Variants in CACNA1D observed in about 807,000 individuals in gnomAD.
CACNA1D encodes calcium voltage-gated channel subunit alpha1 D, also known as voltage-dependent L-type calcium channel subunit alpha-1D.
A neutral mutation model predicts 257.1 loss-of-function variants in CACNA1D; 55 were observed. That is an observed-to-expected ratio of 0.21 (90% confidence interval 0.17 to 0.27). CACNA1D has a LOEUF of 0.27. Ranked by LOEUF, CACNA1D falls within the 10% of genes least tolerant of loss-of-function variation. The pLI is 1.00. For synonymous variants in CACNA1D, 980 were observed against 1,014.9 expected (o/e 0.97, Z 0.65); for missense variants, 1,876 against 2,784.0 (o/e 0.67, Z 7.34).
At chr3:53,729,760 A>G (rs2094971132) in intron 15 of CACNA1D, among the ~76,000 whole-genome samples, 1 of 152,188 alleles carries the variant, frequency 6.6e-6, no homozygotes. Flanking sequence ...TGGGCTGGAG[A>G]GGGCAAAAAT....
chr3:53,807,748 G>C (rs920725749), intron 45 of CACNA1D: 1 of 152,318 alleles, frequency 6.6e-6, no homozygotes, highest in Non-Finnish European at 1.5e-5. Flanking sequence ...GCTGTGGATT[G>C]TCTTGTTAAC....
chr3:53,530,656 T>A (rs138788862), intron 3 of CACNA1D, among the ~76,000 whole-genome samples: 1 of 152,254 alleles, frequency 6.6e-6, no homozygotes, highest in Non-Finnish European at 1.5e-5. Flanking sequence ...TGGTGGGTGG[T>A]GTTGCACGGT....
At chr3:53,638,001 T>C (rs1263251608) in intron 3 of CACNA1D, among the ~76,000 whole-genome samples, 2 of 152,256 alleles carry the variant, frequency 1.3e-5, no homozygotes, top group East Asian at 1.9e-4. Context: ...TTCATATATT[T>C]ACTTAGAAAG....
At chr3:53,744,603 G>C in intron 22 of CACNA1D, 137 bp from the exon 23 acceptor site, 1 of 739,796 alleles carries the variant, frequency 1.4e-6, no homozygotes, top group Non-Finnish European at 2.5e-6. Context: ...CGTGAAGAGA[G>C]ATCAGCTCAG....
At chr3:53,564,956 G>A (rs1364270453) in intron 3 of CACNA1D, among the ~76,000 whole-genome samples, 9 of 152,058 alleles carry the variant, frequency 5.9e-5, no homozygotes, top group Non-Finnish European at 1.3e-4. Context: ...TTTGCCTTTA[G>A]CATGTAGGTC....
intron 9 of CACNA1D, among the ~76,000 whole-genome samples, chr3:53,709,991 C>T (rs2094733049): frequency 1.3e-5 from 2 of 152,144 alleles, no homozygotes; most frequent in African/African-American, 2.4e-5. Context: ...AGTCCAGAGC[C>T]CACCTTTTGA....
chr3:53,699,555 A>G (rs1323341623), intron 8 of CACNA1D, among the ~76,000 whole-genome samples: 1 of 152,226 alleles, frequency 6.6e-6, no homozygotes, highest in Non-Finnish European at 1.5e-5. Context: ...AAGAGCCCAG[A>G]GTGGTGTAGG....
At chr3:53,589,472 G>C (rs2093271086) in intron 3 of CACNA1D, among the ~76,000 whole-genome samples, 1 of 152,142 alleles carries the variant, frequency 6.6e-6, no homozygotes, top group African/African-American at 2.4e-5. Flanking sequence ...CTGAGTGTAT[G>C]AATCAAGGTC....
chr3:53,649,404 T>C (rs1257427858), intron 3 of CACNA1D, among the ~76,000 whole-genome samples: 1 of 152,196 alleles, frequency 6.6e-6, no homozygotes, highest in Non-Finnish European at 1.5e-5. Context: ...CTGGAATCCG[T>C]TGTGAAAAGG....
intron 7 of CACNA1D, among the ~76,000 whole-genome samples, chr3:53,670,521 T>G (rs2094312487): frequency 6.6e-6 from 1 of 152,056 alleles, no homozygotes; most frequent in African/African-American, 2.4e-5. Context: ...ATTTTTGTAT[T>G]TTTAGTAGAG....
At chr3:53,695,461 C>G (rs916135025) in intron 8 of CACNA1D, among the ~76,000 whole-genome samples, 3 of 152,186 alleles carry the variant, frequency 2.0e-5, no homozygotes, top group Admixed American at 2.0e-4. Context: ...CCCCGCCCAG[C>G]CCGTCCTTCT....
chr3:53,768,676 C>G (rs2095348860), intron 30 of CACNA1D, among the ~76,000 whole-genome samples: 2 of 152,158 alleles, frequency 1.3e-5, no homozygotes, highest in Admixed American at 1.3e-4. Flanking sequence ...AGAACCTGTT[C>G]CTCTTGGGTT....
At chr3:53,594,698 T>C (rs940659059) in intron 3 of CACNA1D, among the ~76,000 whole-genome samples, 5 of 152,086 alleles carry the variant, frequency 3.3e-5, no homozygotes, top group Non-Finnish European at 7.4e-5. Context: ...TAATGGCAGG[T>C]GGCTGATCCC....
At chr3:53,729,506 T>A (rs1053280672) in intron 15 of CACNA1D, among the ~76,000 whole-genome samples, 18 of 152,210 alleles carry the variant, frequency 1.2e-4, no homozygotes, top group African/African-American at 3.6e-4. Context: ...GGGGGCCTTC[T>A]CACTTATTGC....
Position 53,810,914 on chromosome 3 carries a change from G to A in CACNA1D, c.6193-199G>A, listed in dbSNP as rs80218519. On this transcript the variant is annotated intron_variant, in intron 47 of 47. Coordinates refer to ENST00000350061, the MANE Select transcript of CACNA1D (RefSeq NM_001128840.3). ...GTGGGTTTCACTCTTGTTGGGCCAT[G>A]TGTAGTTTTTTAGCTCCAGGACATT... Among the ~76,000 whole-genome samples the A allele has an allele frequency of 5.1e-3, 780 of 152,176 alleles. 3 individuals carry two copies. Among genetic ancestry groups the A allele is most frequent in the Non-Finnish European group, 7.6e-3 (517 of 68,006 alleles).
intron 22 of CACNA1D, among the ~76,000 whole-genome samples, chr3:53,743,708 T>C (rs1383176637): frequency 1.3e-5 from 2 of 152,046 alleles, no homozygotes; most frequent in Non-Finnish European, 2.9e-5. Flanking sequence ...TCCCCAGGGG[T>C]GTGGGGCAGA....
chr3:53,558,769 C>T (rs1006061345), intron 3 of CACNA1D, among the ~76,000 whole-genome samples: 8 of 152,074 alleles, frequency 5.3e-5, no homozygotes, highest in African/African-American at 1.2e-4. Context: ...ATGTTGTTTT[C>T]CTCTGGCTAT....
chr3:53,725,081 C>T lies in CACNA1D; in HGVS notation c.2100+1082C>T, dbSNP rs186046229. On this transcript the variant is annotated intron_variant, in intron 14 of 47. Coordinates refer to ENST00000350061, the MANE Select transcript of CACNA1D (RefSeq NM_001128840.3). ...AATGAATAATAATTCTCCCAGCCAG[C>T]CACAAATTTCCTCTTCTAGGAAGCA... is the stretch of plus-strand genomic sequence containing the variant. 2.9e-3 allele frequency among the ~76,000 whole-genome samples: 432 copies of T among 151,204 alleles called. 2 individuals carry two copies. The highest frequency in any genetic ancestry group is 0.01 in the African/African-American group (414 of 41,150).
intron 3 of CACNA1D, among the ~76,000 whole-genome samples, chr3:53,560,810 G>A (rs1400155160): frequency 2.0e-5 from 3 of 152,130 alleles, no homozygotes; most frequent in African/African-American, 7.2e-5. Context: ...TCGCCCATGG[G>A]CCAAAATTTA....
Sources: allele counts gnomAD v4.1 joint callset (sites outside exome capture counted in the v4.1 genomes callset), GRCh38; gene constraint gnomAD v4.1.1; transcripts MANE v1.5; gene names NCBI Gene and HGNC (gene_info 2026-07-23, HGNC 2026-07-21).